IGFN1: variants seen among roughly 807,000 people sequenced by gnomAD.
IGFN1 encodes immunoglobulin-like and fibronectin type III domain-containing protein 1.
IGFN1 carries 253 observed loss-of-function variants against 289.5 expected under a neutral mutation model. The observed-to-expected ratio is 0.87, with a 90% confidence interval of 0.79 to 0.97. The LOEUF (loss-of-function observed/expected upper bound fraction) is 0.97, where lower values mean the gene tolerates loss of function less well. Ranked by LOEUF, IGFN1 falls within the 50% of genes least tolerant of loss-of-function variation. The pLI, the probability that IGFN1 is intolerant of heterozygous loss-of-function variation, is 0.00. For missense variants in IGFN1, 4,470 were observed against 4,686.1 expected, an observed-to-expected ratio of 0.95 and a Z score of 1.35; for synonymous variants, 1,706 against 1,788.5, an observed-to-expected ratio of 0.95 and a Z score of 1.16.
rs768596193 is a variant in IGFN1 at position 201,199,302 on chromosome 1, C to T, written c.368-32C>T. The T allele has an allele frequency of 1.2e-5, 18 of 1,547,284 alleles. 1 individual carries two copies. Among genetic ancestry groups the T allele is most frequent in the South Asian group, 8.3e-5 (7 of 83,944 alleles). ...TGCTTCTCTCCCTGCTTGTCCACAT[C>T]GACTCCTTCCTCTCCTCCCTGGATG... On this transcript the variant is annotated intron_variant, in intron 5 of 23. Transcript: ENST00000335211.
At chr1:201,195,233 CA>C (rs1301935145) in intron 3 of IGFN1, among the ~76,000 whole-genome samples, 1 of 151,938 alleles carries the variant, frequency 6.6e-6, no homozygotes, top group African/African-American at 2.4e-5. Context: ...ATCACTACAA[CA>C]TCTGCCTCTG....
At position 201,215,050 on chromosome 1, in the gene IGFN1, G is replaced by T; in HGVS notation, c.8891G>T (p.Gly2964Val). The change falls in exon 14 of 24, where the codon GGT becomes GTT. Residue 2964 changes from glycine to valine, a missense_variant. This residue lies in a region of IGFN1 where 2,218 missense variants were observed against 2,114.1 expected (regional missense o/e 1.05). Coordinates refer to ENST00000335211, the MANE Select transcript of IGFN1 (RefSeq NM_001164586.2). The part of the protein sequence containing the change: ...TQDGVIFKQD[G>V]LVHSLFITHV... The stretch of plus-strand genomic sequence containing the variant: ...GATGGAGTCATCTTTAAGCAAGACG[G>T]TCTCGTGCACAGCCTCTTCATCACG... The T allele has an allele frequency of 6.2e-7, 1 of 1,614,108 alleles. No individual in the cohort carries two copies. The highest frequency in any genetic ancestry group is 1.1e-5 in the South Asian group (1 of 91,082).
Position 201,214,160 on chromosome 1 carries a change from C to T in IGFN1, c.8729-17C>T, listed in dbSNP as rs1667974991. 6.2e-7 allele frequency: 1 copy of T among 1,603,388 alleles called. No individual in the cohort carries two copies. Among genetic ancestry groups the T allele is most frequent in the Non-Finnish European group, 8.5e-7 (1 of 1,174,826 alleles). On this transcript the variant is annotated splice_polypyrimidine_tract_variant and intron_variant, in intron 12 of 23. Transcript: ENST00000335211. ...CTGGGGCGCTCGGCCCTGGGGATTCCCTCTGTGTCTCTCCAGGCCCCATGG... is the reference window on the plus strand; with the variant it reads ...CTGGGGCGCTCGGCCCTGGGGATTCTCTCTGTGTCTCTCCAGGCCCCATGG...
In IGFN1 at chr1:201,207,240, G is replaced by A; in HGVS notation, c.2347G>A (p.Gly783Ser). 16 of 1,536,822 alleles carry A rather than the reference G, an allele frequency of 1.0e-5. No individual in the cohort carries two copies. The highest frequency in any genetic ancestry group is 1.4e-5 in the Non-Finnish European group (16 of 1,146,890). ...TGPGGPGDPR[G>S]CEGVLQELRG... ...CCCTGGAGGCCCAGGAGACCCCAGAGGCTGCGAAGGTGTCCTACAGGAGCT... is the reference window on the plus strand; with the variant it reads ...CCCTGGAGGCCCAGGAGACCCCAGAAGCTGCGAAGGTGTCCTACAGGAGCT... The change falls in exon 12 of 24, where the codon GGC becomes AGC. Residue 783 changes from glycine to serine, a missense_variant. Around this residue, in one of 8 missense-constraint regions of IGFN1, gnomAD observed 2,011 missense variants for 1,953.4 expected, o/e 1.03. Transcript: ENST00000335211.
At chr1:201,226,735 T>C in intron 22 of IGFN1, 147 bp from the exon 23 acceptor site, 1 of 676,418 alleles carries the variant, frequency 1.5e-6, no homozygotes, top group Non-Finnish European at 2.6e-6. Flanking sequence ...AGGCAAGCCT[T>C]GGGGTCCAAA....
chr1:201,224,784 G>T lies in IGFN1; in HGVS notation c.10396G>T (p.Ala3466Ser). The change falls in exon 21 of 24, where the codon GCT becomes TCT. Residue 3466 changes from alanine to serine, a missense_variant. Physicochemically the swap from Ala to Ser is moderately conservative, Grantham distance 99. Coordinates refer to ENST00000335211, the MANE Select transcript of IGFN1 (RefSeq NM_001164586.2). ...CCTCACCCAGCTTCTGATCCCTGTG[G>T]CTGGACTCTCAGACAGTGGTCTCTA... ...DGLTQLLIPV[A>S]GLSDSGLYTV... is the part of the protein sequence containing the mutation. The T allele has an allele frequency of 6.2e-7, 1 of 1,614,220 alleles. No individual in the cohort carries two copies. Among genetic ancestry groups the T allele is most frequent in the East Asian group, 2.2e-5 (1 of 44,888 alleles).
Position 201,227,053 on chromosome 1 carries a change from G to A in IGFN1, c.10958G>A (p.Ser3653Asn). 1.2e-6 allele frequency: 2 copies of A among 1,613,696 alleles called. No individual in the cohort carries two copies. Among genetic ancestry groups the A allele is most frequent in the Non-Finnish European group, 1.7e-6 (2 of 1,180,046 alleles). ...GTCACCTGGTTCAAGAATGACCGCAGCCTGGAAGGAAACCCCGCGGTGTAC... is the reference window on the plus strand; with the variant it reads ...GTCACCTGGTTCAAGAATGACCGCAACCTGGAAGGAAACCCCGCGGTGTAC... ...PHVTWFKNDR[S>N]LEGNPAVYST... Residue 3653 changes from serine (S) to asparagine (N), a missense_variant, in exon 23 of 24, where the codon AGC becomes AAC. Transcript: ENST00000335211.
rs931755931 is a variant in IGFN1 at position 201,212,434 on chromosome 1, G to C, written c.7541G>C (p.Arg2514Thr). The C allele has an allele frequency of 9.1e-6, 14 of 1,537,120 alleles. No individual in the cohort carries two copies. The highest frequency in any genetic ancestry group is 1.2e-5 in the Non-Finnish European group (14 of 1,146,812). ...RDRGAPRVKDRSPDQAGIMGA... is the reference protein window; with the variant it reads ...RDRGAPRVKDTSPDQAGIMGA... The stretch of plus-strand genomic sequence containing the variant: ...AGAGGGGCTCCCAGGGTGAAGGATA[G>C]GTCTCCAGACCAAGCAGGGATAATG... Residue 2514 changes from arginine to threonine, a missense_variant, in exon 12 of 24, where the codon AGG becomes ACG. By Grantham distance (71) the Arg-to-Thr change is moderately conservative (BLOSUM62 -1). Around this residue, in one of 8 missense-constraint regions of IGFN1, gnomAD observed 2,218 missense variants for 2,114.1 expected, o/e 1.05. Transcript: ENST00000335211.
intron 1 of IGFN1, among the ~76,000 whole-genome samples, chr1:201,192,141 A>T (rs1351057166): frequency 6.6e-6 from 1 of 152,194 alleles, no homozygotes; most frequent in South Asian, 2.1e-4. Context: ...TTGGCGTACC[A>T]TGGCATTCCA....
chr1:201,199,319 C>G lies in IGFN1; in HGVS notation c.368-15C>G, dbSNP rs1220709186. The G allele has an allele frequency of 1.9e-6, 3 of 1,551,750 alleles. No individual in the cohort carries two copies. Among genetic ancestry groups the G allele is most frequent in the Non-Finnish European group, 2.6e-6 (3 of 1,146,764 alleles). On this transcript the variant is annotated splice_polypyrimidine_tract_variant and intron_variant, in intron 5 of 23. Coordinates refer to ENST00000335211, the MANE Select transcript of IGFN1 (RefSeq NM_001164586.2). ...GTCCACATCGACTCCTTCCTCTCCT[C>G]CCTGGATGTTGCAGTTGGCTTTCGG...
In IGFN1 at chr1:201,195,923, A is replaced by C; in HGVS notation, c.212A>C (p.Asp71Ala). 6.4e-7 allele frequency: 1 copy of C among 1,551,834 alleles called. No individual in the cohort carries two copies. The highest frequency in any genetic ancestry group is 1.7e-4 in the Middle Eastern group (1 of 5,992). The stretch of plus-strand genomic sequence containing the variant: ...CAGAACTCCAAAGGTGACCTCAGTG[A>C]TTCCAGCAAGTACAAGATCTCCTCC... ...RWQNSKGDLSDSSKYKISSSP... is the reference protein window; with the variant it reads ...RWQNSKGDLSASSKYKISSSP... The change falls in exon 4 of 24, where the codon GAT (aspartate) becomes GCT (alanine). Residue 71 changes from aspartate (D) to alanine (A), a missense_variant. Around this residue, in one of 8 missense-constraint regions of IGFN1, gnomAD observed 2,011 missense variants for 1,953.4 expected, o/e 1.03. Coordinates refer to ENST00000335211, the MANE Select transcript of IGFN1 (RefSeq NM_001164586.2).
intron 19 of IGFN1, 73 bp downstream of exon 19, chr1:201,221,819 A>G: frequency 7.6e-7 from 1 of 1,322,012 alleles, no homozygotes; most frequent in Non-Finnish European, 1.0e-6. Context: ...GAGTAGCCGC[A>G]ATGCACTTAC....
rs1479480209 is a variant in IGFN1, at chr1:201,216,748, C to T, written c.9590C>T (p.Pro3197Leu). 1 of 1,600,640 alleles carries T rather than the reference C, an allele frequency of 6.2e-7. No homozygotes were observed. The highest frequency in any genetic ancestry group is 8.5e-7 in the Non-Finnish European group (1 of 1,172,160). Residue 3197 changes from proline (P) to leucine (L), a missense_variant, in exon 16 of 24, where the codon CCT (proline) becomes CTT (leucine). Coordinates refer to ENST00000335211, the MANE Select transcript of IGFN1 (RefSeq NM_001164586.2). The part of the protein sequence containing the change: ...ALESEEILVA[P>L]EALPKAPSAP... ...GAGTCTGAGGAGATATTGGTGGCTCCTGAGGGTGAGAGAAAAGGCTGGGGC... is the reference window on the plus strand; with the variant it reads ...GAGTCTGAGGAGATATTGGTGGCTCTTGAGGGTGAGAGAAAAGGCTGGGGC...
chr1:201,207,561 C>T lies in IGFN1; in HGVS notation c.2668C>T (p.Leu890=). 6.5e-7 allele frequency: 1 copy of T among 1,536,878 alleles called. No homozygotes were observed. Among genetic ancestry groups the T allele is most frequent in the South Asian group, 1.2e-5 (1 of 84,036 alleles). Residue 890 remains leucine (L), a synonymous_variant, in exon 12 of 24, where the codon CTA becomes TTA. Coordinates refer to ENST00000335211, the MANE Select transcript of IGFN1 (RefSeq NM_001164586.2). Reference sequence around the variant, plus strand: ...GGGGGTGGATGCCAGAAGCCACTGGCTAAGTAGGGCTCCAGGCCTGGGTGC... The same window carrying T: ...GGGGGTGGATGCCAGAAGCCACTGGTTAAGTAGGGCTCCAGGCCTGGGTGC... ...GQGVDARSHW[L]SRAPGLGAQG...
chr1:201,198,369 C>T (rs1336347990), intron 5 of IGFN1, among the ~76,000 whole-genome samples: 1 of 152,210 alleles, frequency 6.6e-6, no homozygotes, highest in Non-Finnish European at 1.5e-5. Flanking sequence ...CTCCTGACCT[C>T]AGGTGATCCA....
chr1:201,222,964 G>C, intron 20 of IGFN1, 137 bp downstream of exon 20: 1 of 548,078 alleles, frequency 1.8e-6, no homozygotes, highest in Non-Finnish European at 3.3e-6. Flanking sequence ...GACTGGGCTT[G>C]TGGAAATCAG....
At chr1:201,199,680 AT>A in intron 7 of IGFN1, 26 bp downstream of exon 7, 3 of 1,547,822 alleles carry the variant, frequency 1.9e-6, no homozygotes, top group Non-Finnish European at 2.6e-6. Flanking sequence ...TCCATGAGGG[AT>A]TTTGGAGGCT....
Position 201,228,566 on chromosome 1 carries a change from G to A in IGFN1, c.*167G>A, listed in dbSNP as rs1207285107. ...TGGCCAGGAGGACGTGAAGTCCTTG[G>A]GGAAGAAAAACAAGGGAGGAGGGCA... On this transcript the variant is annotated 3_prime_UTR_variant, in exon 24 of 24. Coordinates refer to ENST00000335211, the MANE Select transcript of IGFN1 (RefSeq NM_001164586.2). The A allele has an allele frequency of 2.8e-6, 2 of 718,626 alleles. No individual in the cohort carries two copies. Among genetic ancestry groups the A allele is most frequent in the Non-Finnish European group, 4.9e-6 (2 of 405,988 alleles). 44.5% of individuals were successfully genotyped at this position (718,626 alleles called of 1,614,324 possible).
At chr1:201,193,848 G>A (rs1051597323) in intron 2 of IGFN1, among the ~76,000 whole-genome samples, 1 of 152,128 alleles carries the variant, frequency 6.6e-6, no homozygotes, top group African/African-American at 2.4e-5. Flanking sequence ...TCCTGAGAAG[G>A]AGCCCTTTCT....
Sources: allele counts gnomAD v4.1 joint callset (sites outside exome capture counted in the v4.1 genomes callset), GRCh38; gene constraint gnomAD v4.1.1; regional missense constraint gnomAD v4.1.1; transcripts MANE v1.5; gene names NCBI Gene and HGNC (gene_info 2026-07-23, HGNC 2026-07-21).